The following RPGRIP1L variants were observed in gnomAD, a reference collection of about 807,000 sequenced individuals.
The protein encoded by RPGRIP1L is RPGRIP1 like, also known as protein fantom.
In RPGRIP1L, 131 loss-of-function variants were observed where a neutral mutation model predicts 160.4. The observed-to-expected ratio is 0.82, with a 90% CI of 0.71 to 0.94. The LOEUF (loss-of-function observed/expected upper bound fraction) is 0.94. Among genes scored for constraint, RPGRIP1L ranks in the 40% least tolerant of loss-of-function variants. RPGRIP1L has a pLI of 0.00. For synonymous variants in RPGRIP1L, 510 were observed against 515.8 expected, an observed-to-expected ratio of 0.99 and a Z score of 0.15; for missense variants, 1,522 against 1,535.8, an observed-to-expected ratio of 0.99 and a Z score of 0.15.
intron 15 of RPGRIP1L, among the ~76,000 whole-genome samples, chr16:53,649,815 G>A (rs1966824459): frequency 2.0e-5 from 3 of 152,056 alleles, no homozygotes; most frequent in South Asian, 2.1e-4. Flanking sequence ...TCTTTGGCCC[G>A]TCTGTTTACC....
chr16:53,657,362 T>C, intron 13 of RPGRIP1L, 91 bp downstream of exon 13: 5 of 842,326 alleles, frequency 5.9e-6, no homozygotes, highest in Non-Finnish European at 5.8e-6. Flanking sequence ...TAGATGTTAA[T>C]AGATAACAGG....
chr16:53,624,456 A>G lies in RPGRIP1L; in HGVS notation c.3295-2100T>C, dbSNP rs146266080. The stretch of plus-strand genomic sequence containing the variant: ...GTACTCGGGAGGCTGAGGCAGAAGA[A>G]TCACTTGAACCCGGCAGGTGGAGGT... On this transcript the variant is annotated intron_variant, in intron 22 of 26. Coordinates refer to ENST00000647211, the MANE Select transcript of RPGRIP1L (RefSeq NM_015272.5). Among the ~76,000 whole-genome samples the G allele has an allele frequency of 1.9e-3, 293 of 152,116 alleles. 2 individuals are homozygous for G. The highest frequency in any genetic ancestry group is 6.7e-3 in the African/African-American group (277 of 41,494).
intron 6 of RPGRIP1L, among the ~76,000 whole-genome samples, chr16:53,678,869 T>C (rs1969399909): frequency 6.6e-6 from 1 of 152,162 alleles, no homozygotes; most frequent in Non-Finnish European, 1.5e-5. Context: ...TGTAGCTGTA[T>C]TGTTGAAGGA....
chr16:53,622,516 T>A (rs566434623), intron 22 of RPGRIP1L, among the ~76,000 whole-genome samples, 160 bp from the exon 23 acceptor site: 2 of 152,178 alleles, frequency 1.3e-5, no homozygotes, highest in African/African-American at 4.8e-5. Context: ...GACATCACCA[T>A]CCACCTAGTC....
At chr16:53,661,131 T>C (rs1967756055) in intron 10 of RPGRIP1L, among the ~76,000 whole-genome samples, 1 of 151,266 alleles carries the variant, frequency 6.6e-6, no homozygotes, top group Non-Finnish European at 1.5e-5. Context: ...CCATCTCTAC[T>C]AAAAATACAA....
chr16:53,687,324 C>A (rs947412637), intron 5 of RPGRIP1L, among the ~76,000 whole-genome samples: 1 of 152,038 alleles, frequency 6.6e-6, no homozygotes, highest in Non-Finnish European at 1.5e-5. Context: ...GACACTGAAA[C>A]CATGAGGCTT....
chr16:53,663,255 A>ATAACT (rs10655040), intron 10 of RPGRIP1L, among the ~76,000 whole-genome samples: 32,471 of 151,670 alleles, frequency 0.21, 4,808 homozygotes, highest in East Asian at 0.44. Flanking sequence ...ATAAATTAAA[A>ATAACT]TAAGAACTGT....
intron 2 of RPGRIP1L, 41 bp from the exon 3 acceptor site, chr16:53,696,336 A>C: frequency 6.2e-7 from 1 of 1,603,228 alleles, no homozygotes; most frequent in Non-Finnish European, 8.5e-7. Flanking sequence ...GGTTACTTAA[A>C]ATAGTCTCTA....
In RPGRIP1L at chr16:53,622,241, G is replaced by A. The variant is rs1156546553; in HGVS notation, c.3410C>T (p.Thr1137Ile). 3.0e-6 allele frequency: 2 copies of A among 669,910 alleles called. No homozygotes were observed. Among genetic ancestry groups the A allele is most frequent in the Admixed American group, 2.1e-5 (1 of 46,682 alleles). The allele number at this position is 669,910 out of a possible 1,614,324, so 41.5% of individuals were successfully genotyped here. Residue 1137 changes from threonine (T) to isoleucine (I), a missense_variant, in exon 23 of 27, where the codon ACA becomes ATA. Thr to Ile is a moderately conservative substitution (Grantham distance 89). Transcript: ENST00000647211. ...TACCTGGGTGTGGTGGCAGGCACCT[G>A]TAATCCCATCTACTTGGGAGGCTGA... The part of the protein sequence containing the change: ...PASASQVDGI[T>I]GACHHTQPSE...
intron 3 of RPGRIP1L, chr16:53,694,442 A>C (rs1202041538): frequency 6.6e-6 from 1 of 151,798 alleles, no homozygotes; most frequent in Non-Finnish European, 1.5e-5. Context: ...CAAAAAAAAA[A>C]AAAAAAAAAA....
intron 8 of RPGRIP1L, among the ~76,000 whole-genome samples, chr16:53,671,832 T>A (rs1268123740): frequency 6.6e-6 from 1 of 152,160 alleles, no homozygotes; most frequent in African/African-American, 2.4e-5. Flanking sequence ...CACTGCTTTA[T>A]GCAACATGTG....
chr16:53,621,156 A>G (rs1281180647), intron 23 of RPGRIP1L, among the ~76,000 whole-genome samples: 4 of 152,182 alleles, frequency 2.6e-5, no homozygotes, highest in African/African-American at 9.6e-5. Context: ...CTAAGTGGTT[A>G]TTTTATTAAT....
chr16:53,646,223 G>A (rs1368249209), intron 16 of RPGRIP1L, among the ~76,000 whole-genome samples: 1 of 152,162 alleles, frequency 6.6e-6, no homozygotes, highest in Non-Finnish European at 1.5e-5. Flanking sequence ...CTTGGAGACT[G>A]AGCATACATG....
intron 8 of RPGRIP1L, 56 bp from the exon 9 acceptor site, chr16:53,671,639 G>GT: frequency 1.1e-6 from 1 of 900,788 alleles, no homozygotes; most frequent in Non-Finnish European, 1.7e-6. Flanking sequence ...CCACTTGGGG[G>GT]TAAAAAAAAA....
chr16:53,682,182 T>C (rs1232434034), intron 6 of RPGRIP1L, among the ~76,000 whole-genome samples: 1 of 152,172 alleles, frequency 6.6e-6, no homozygotes, highest in Non-Finnish European at 1.5e-5. Flanking sequence ...TCTAAGCAAA[T>C]AACATGTAAA....
intron 9 of RPGRIP1L, among the ~76,000 whole-genome samples, chr16:53,668,652 T>C (rs993947734): frequency 6.6e-6 from 1 of 152,192 alleles, no homozygotes; most frequent in Non-Finnish European, 1.5e-5. Flanking sequence ...ATCAGTTACA[T>C]GGCCCCAACA....
chr16:53,631,580 CA>C (rs757963987), intron 22 of RPGRIP1L, among the ~76,000 whole-genome samples: 3 of 152,034 alleles, frequency 2.0e-5, no homozygotes, highest in Non-Finnish European at 2.9e-5. Flanking sequence ...TGCAAATGTT[CA>C]GTTTTGATGT....
At chr16:53,666,566 A>ATG (rs112955038) in intron 9 of RPGRIP1L, among the ~76,000 whole-genome samples, 20,127 of 136,536 alleles carry the variant, frequency 0.15, 1,473 homozygotes, top group African/African-American at 0.19. Context: ...GAGTACATCT[A>ATG]TGTGTGTGTG....
chr16:53,699,054 T>C (rs1971145827), intron 2 of RPGRIP1L, among the ~76,000 whole-genome samples: 1 of 152,148 alleles, frequency 6.6e-6, no homozygotes, highest in Non-Finnish European at 1.5e-5. Flanking sequence ...AGAAAAATTC[T>C]TCTGCCTTGG....
Sources: gnomAD v4.1 joint callset for allele counts (sites outside exome capture counted in the v4.1 genomes callset) on GRCh38, gnomAD v4.1.1 for gene constraint, MANE v1.5 for transcripts, NCBI Gene and HGNC (gene_info 2026-07-23, HGNC 2026-07-21) for gene names.